Variants in TECPR1 observed in about 807,000 individuals in gnomAD.
TECPR1 encodes tectonin beta-propeller repeat-containing protein 1.
In TECPR1, 122 loss-of-function variants were observed where a neutral mutation model predicts 162.4. The ratio of observed to expected loss-of-function variants is 0.75; its 90% CI spans 0.65 to 0.87. The LOEUF (loss-of-function observed/expected upper bound fraction) is 0.87, where lower values mean the gene tolerates loss of function less well. Ranked by LOEUF, TECPR1 falls within the 40% of genes least tolerant of loss-of-function variation. TECPR1 has a pLI of 0.00. For missense variants in TECPR1, 1,432 were observed against 1,618.2 expected (o/e 0.88, Z 1.97); for synonymous variants, 642 against 670.6 (o/e 0.96, Z 0.66).
At chr7:98,227,548 T>C (rs1428993524) in intron 17 of TECPR1, among the ~76,000 whole-genome samples, 5 of 151,884 alleles carry the variant, frequency 3.3e-5, no homozygotes, top group South Asian at 2.1e-4. Context: ...TGACCGGGCG[T>C]GGTGGCTCAT....
Position 98,241,029 on chromosome 7 carries a change from C to T in TECPR1, c.832+41G>A, listed in dbSNP as rs771724793. 2.3e-5 allele frequency: 36 copies of T among 1,590,856 alleles called. No homozygotes were observed. The East Asian group carries it at 7.3e-4, about 32-fold the overall frequency. On this transcript the variant is annotated intron_variant, in intron 7 of 25. Coordinates refer to ENST00000447648, the MANE Select transcript of TECPR1 (RefSeq NM_015395.3). This position sits in a 1 kb window ranked among gnomAD's most constrained non-coding sequence, Gnocchi z 5.0. ...GGAGCGAGTGACCCTCACCCTTCTC[C>T]CCAGTACAGGGTATGTGGGTGGGGG...
chr7:98,221,562 G>C, intron 23 of TECPR1, 99 bp downstream of exon 23: 1 of 1,000,116 alleles, frequency 1.0e-6, no homozygotes, highest in East Asian at 2.7e-5. Context: ...CCTGATCTCA[G>C]GTGATCCGCT....
chr7:98,234,705 CTTTTTT>C (rs34332931), intron 10 of TECPR1, among the ~76,000 whole-genome samples: 1 of 73,508 alleles, frequency 1.4e-5, no homozygotes. Context: ...TTGTTATTGT[CTTTTTT>C]TTTTTTTTTT....
intron 23 of TECPR1, among the ~76,000 whole-genome samples, chr7:98,220,669 C>T (rs1319493122): frequency 6.6e-6 from 1 of 152,026 alleles, no homozygotes; most frequent in African/African-American, 2.4e-5. Context: ...CGCCATTCTC[C>T]TGCCTCAGCC....
intron 23 of TECPR1, 101 bp from the exon 24 acceptor site, chr7:98,218,143 G>T (rs891737482): frequency 6.2e-6 from 6 of 967,540 alleles, no homozygotes; most frequent in African/African-American, 4.9e-5. Flanking sequence ...TAACCACTTC[G>T]GGGTTTGGGA....
chr7:98,221,028 G>A (rs73151177), intron 23 of TECPR1, among the ~76,000 whole-genome samples: 57,191 of 150,286 alleles, frequency 0.38, 12,805 homozygotes, highest in Middle Eastern at 0.62. Context: ...AGGGCCAGGC[G>A]CGGTAGCTCA....
In TECPR1 at chr7:98,215,971, C is replaced by T. The variant is rs1466569930; in HGVS notation, c.*1419G>A. ...ACTGTACAAATACACACAACGGACCCCCAGCTGACAGTGAGACCAGGACCC... is the reference window on the plus strand; with the variant it reads ...ACTGTACAAATACACACAACGGACCTCCAGCTGACAGTGAGACCAGGACCC... On this transcript the variant is annotated 3_prime_UTR_variant, in exon 26 of 26. Transcript: ENST00000447648. 1 of 152,272 alleles carries T rather than the reference C, an allele frequency of 6.6e-6. No homozygotes were observed. Among genetic ancestry groups the T allele is most frequent in the African/African-American group, 2.4e-5 (1 of 41,466 alleles). The allele number at this position is 152,272 out of a possible 1,614,324, so 9.4% of individuals were successfully genotyped here.
intron 15 of TECPR1, among the ~76,000 whole-genome samples, chr7:98,229,509 T>C (rs1291234369): frequency 1.3e-5 from 2 of 152,128 alleles, no homozygotes; most frequent in Non-Finnish European, 2.9e-5. Flanking sequence ...GTCTGGGACC[T>C]GGGGAAATGG....
rs1177568029 is a variant in TECPR1, at chr7:98,215,425, T to A, written c.*1965A>T. The A allele has an allele frequency of 6.6e-6, 1 of 152,172 alleles. No homozygotes were observed. The allele number at this position is 152,172 out of a possible 1,614,324, so 9.4% of individuals were successfully genotyped here. On this transcript the variant is annotated 3_prime_UTR_variant, in exon 26 of 26. Coordinates refer to ENST00000447648, the MANE Select transcript of TECPR1 (RefSeq NM_015395.3). ...TTGATGCTGTGTCATAAAACAAAAA[T>A]AAAAGATTTCACAGCAATGTCTGCT... is the stretch of plus-strand genomic sequence containing the variant.
intron 8 of TECPR1, 32 bp from the exon 9 acceptor site, chr7:98,238,642 G>A (rs1303898870): frequency 1.3e-6 from 2 of 1,520,762 alleles, no homozygotes; most frequent in African/African-American, 2.8e-5. Context: ...ATGCCTTCCT[G>A]GAGGGCCACT....
rs1186148940 is a variant in TECPR1, at chr7:98,248,757, GAA to G, written c.-19-2594_-19-2593del. ...AGTTACTCAGGAGACTGAGGCAGGA[GAA>G]TCGCTGGAACCAGGAGGTGGAGGTT... On this transcript the variant is annotated intron_variant, in intron 2 of 25. Coordinates refer to ENST00000447648, the MANE Select transcript of TECPR1 (RefSeq NM_015395.3). Among the ~76,000 whole-genome samples, 6 of 151,832 alleles carry G rather than the reference GAA, an allele frequency of 4.0e-5. No individual in the cohort carries two copies. In the East Asian group the frequency reaches 1.2e-3, roughly 30 times the overall value.
At chr7:98,236,137 T>C (rs1314475600) in intron 10 of TECPR1, among the ~76,000 whole-genome samples, 3 of 152,158 alleles carry the variant, frequency 2.0e-5, no homozygotes, top group Non-Finnish European at 1.5e-5. Flanking sequence ...CTGCCTGTGC[T>C]CTCACGGCTG....
rs1186003796 is a variant in TECPR1 at position 98,241,683 on chromosome 7, G to A, written c.658-439C>T. Among the ~76,000 whole-genome samples, 2 of 152,194 alleles carry A rather than the reference G, an allele frequency of 1.3e-5. No individual in the cohort carries two copies. The highest frequency in any genetic ancestry group is 2.9e-5 in the Non-Finnish European group (2 of 68,026). The stretch of plus-strand genomic sequence containing the variant: ...AGACTGGGAGCAACGTGCTCAGAGC[G>A]TCTGAACTGTTTGGCTCATTTTAGC... On this transcript the variant is annotated intron_variant, in intron 6 of 25. Transcript: ENST00000447648. This position sits in a 1 kb window ranked among gnomAD's most constrained non-coding sequence, Gnocchi z 5.0.
chr7:98,233,004 C>T (rs1201586285), intron 11 of TECPR1, 32 bp from the exon 12 acceptor site: 6 of 1,582,854 alleles, frequency 3.8e-6, no homozygotes, highest in East Asian at 2.3e-5. Context: ...AGGGCCGGGG[C>T]ACTGTCCTGC....
intron 5 of TECPR1, among the ~76,000 whole-genome samples, chr7:98,244,350 T>G (rs559098765): frequency 8.5e-5 from 13 of 152,338 alleles, no homozygotes; most frequent in African/African-American, 3.1e-4. Flanking sequence ...GCAAGTTCTG[T>G]GCTGTCCTGG....
chr7:98,216,971 AG>A lies in TECPR1; in HGVS notation c.*418del. 1 of 178,000 alleles carries A rather than the reference AG, an allele frequency of 5.6e-6. No homozygotes were observed. Among genetic ancestry groups the A allele is most frequent in the African/African-American group, 2.4e-5 (1 of 42,288 alleles). 11.0% of individuals were successfully genotyped at this position (178,000 alleles called of 1,614,324 possible). A position where few individuals can be genotyped will look rare whatever the true frequency, so the allele number is the denominator to read the frequency against. On this transcript the variant is annotated 3_prime_UTR_variant, in exon 26 of 26. Transcript: ENST00000447648. The stretch of plus-strand genomic sequence containing the variant: ...AGCCCCATGGCCATCTCTCTTGGTG[AG>A]GGGTGGCGGGCCCGGGTGCTGTCTG...
intron 6 of TECPR1, among the ~76,000 whole-genome samples, chr7:98,242,293 G>A (rs1293932163): frequency 1.3e-5 from 2 of 152,138 alleles, no homozygotes; most frequent in African/African-American, 4.8e-5. Context: ...TCAGCGCCCT[G>A]AGTTCAGGAC....
chr7:98,224,861 T>C lies in TECPR1; in HGVS notation c.2630A>G (p.Asp877Gly), dbSNP rs1327549031. 4 of 1,569,334 alleles carry C rather than the reference T, an allele frequency of 2.5e-6. No individual in the cohort carries two copies. The highest frequency in any genetic ancestry group is 3.5e-6 in the Non-Finnish European group (4 of 1,157,778). ...QWAWVSDWFV[D>G]FSVPGGTDQE... ...GTCCGTGCCCCCCGGAACGCTGAAATCCACGAACCAGTCGGAAACCTGGGA... is the reference window on the plus strand; with the variant it reads ...GTCCGTGCCCCCCGGAACGCTGAAACCCACGAACCAGTCGGAAACCTGGGA... Residue 877 changes from aspartate (D) to glycine (G), a missense_variant, in exon 19 of 26, where the codon GAT (aspartate) becomes GGT (glycine). Transcript: ENST00000447648.
chr7:98,218,099 G>A (rs1032581930), intron 23 of TECPR1, 57 bp from the exon 24 acceptor site: 65 of 1,423,424 alleles, frequency 4.6e-5, no homozygotes, highest in Admixed American at 2.0e-4. Flanking sequence ...CCTCCTGCCC[G>A]TGCGGCCCGG....
Sources: allele counts gnomAD v4.1 joint callset (sites outside exome capture counted in the v4.1 genomes callset), GRCh38; gene constraint gnomAD v4.1.1; non-coding constraint Gnocchi (gnomAD v3.1); transcripts MANE v1.5; gene names NCBI Gene and HGNC (gene_info 2026-07-23, HGNC 2026-07-21).